The following SORCS3 variants were observed in gnomAD, a reference collection of about 807,000 sequenced individuals.
SORCS3 encodes VPS10 domain-containing receptor SorCS3.
In SORCS3, 57 loss-of-function variants were observed where a neutral mutation model predicts 146.3. The observed-to-expected ratio is 0.39, with a 90% CI of 0.31 to 0.49. The LOEUF (loss-of-function observed/expected upper bound fraction) is 0.49, where lower values mean the gene tolerates loss of function less well. Among genes scored for constraint, SORCS3 ranks in the 20% least tolerant of loss-of-function variants. The probability of loss-of-function intolerance (pLI) is 0.92; values close to 1 mark genes in which losing one functional copy is unlikely to be tolerated. For missense variants in SORCS3, 1,341 were observed against 1,575.5 expected, an observed-to-expected ratio of 0.85 and a Z score of 2.52; for synonymous variants, 653 against 618.5, an observed-to-expected ratio of 1.06 and a Z score of -0.83.
chr10:104,811,969 C>T (rs1227085379), intron 1 of SORCS3, among the ~76,000 whole-genome samples: 2 of 152,070 alleles, frequency 1.3e-5, no homozygotes, highest in African/African-American at 2.4e-5. Context: ...TGAAATTATA[C>T]GTGTGCCCCA....
intron 14 of SORCS3, among the ~76,000 whole-genome samples, chr10:105,181,300 G>T (rs535813260): frequency 1.3e-5 from 2 of 152,308 alleles, no homozygotes; most frequent in East Asian, 3.9e-4. Context: ...ATTCTGAAAT[G>T]CTATGGTCAG....
In SORCS3 at chr10:104,745,468, T is replaced by C. The variant is rs190673636; in HGVS notation, c.628-97324T>C. Among the ~76,000 whole-genome samples the C allele has an allele frequency of 1.6e-4, 24 of 152,310 alleles. 1 individual carries two copies. In the East Asian group the frequency reaches 4.6e-3, roughly 29 times the overall value. ...AGTATGTGAAATATTTAATGACAAG[T>C]TAGGAAATAGTGTACACCCTTGAAA... On this transcript the variant is annotated intron_variant, in intron 1 of 26. Coordinates refer to ENST00000369701, the MANE Select transcript of SORCS3 (RefSeq NM_014978.3).
At chr10:105,013,435 A>G (rs572242990) in intron 4 of SORCS3, among the ~76,000 whole-genome samples, 1 of 152,216 alleles carries the variant, frequency 6.6e-6, no homozygotes, top group African/African-American at 2.4e-5. Context: ...TCTATACATA[A>G]TATGATTCTC....
intron 1 of SORCS3, among the ~76,000 whole-genome samples, chr10:104,706,201 CTTTTT>C (rs1162969172): frequency 4.3e-4 from 37 of 85,864 alleles, no homozygotes; most frequent in African/African-American, 1.8e-3. Flanking sequence ...TTTTCTTCTT[CTTTTT>C]TTTTTTTTTT....
At position 104,891,917 on chromosome 10, in the gene SORCS3, A is replaced by G. The variant is rs542898219; in HGVS notation, c.696-23916A>G. ...AATGAATTGGCTCCTGGATCTTCAA[A>G]GACAAGATTTAAATCACAAAGAGAA... On this transcript the variant is annotated intron_variant, in intron 2 of 26. Coordinates refer to ENST00000369701, the MANE Select transcript of SORCS3 (RefSeq NM_014978.3). Among the ~76,000 whole-genome samples, 9 of 152,292 alleles carry G rather than the reference A, an allele frequency of 5.9e-5. No individual in the cohort carries two copies. The East Asian group carries it at 1.7e-3, about 29-fold the overall frequency.
intron 3 of SORCS3, among the ~76,000 whole-genome samples, chr10:104,954,227 T>C (rs765521331): frequency 2.6e-5 from 4 of 152,098 alleles, no homozygotes; most frequent in Non-Finnish European, 4.4e-5. Flanking sequence ...AGGAAGAAAA[T>C]TGTGGTCCTA....
At chr10:105,230,325 G>C (rs1352716850) in intron 20 of SORCS3, among the ~76,000 whole-genome samples, 3 of 152,144 alleles carry the variant, frequency 2.0e-5, no homozygotes, top group African/African-American at 7.2e-5. Context: ...GGATGCTTAG[G>C]TTGGGGAGTG....
At chr10:104,719,897 C>T (rs954310490) in intron 1 of SORCS3, among the ~76,000 whole-genome samples, 2 of 151,668 alleles carry the variant, frequency 1.3e-5, no homozygotes, top group African/African-American at 4.8e-5. Flanking sequence ...TGAAAGTTGT[C>T]TGATGAAAGA....
intron 3 of SORCS3, among the ~76,000 whole-genome samples, chr10:104,958,522 G>T (rs1009373791): frequency 6.6e-6 from 1 of 152,202 alleles, no homozygotes; most frequent in East Asian, 1.9e-4. Flanking sequence ...GTAATCTAGA[G>T]AATGGGAAAG....
chr10:105,258,906 A>C (rs1433983014), intron 25 of SORCS3, among the ~76,000 whole-genome samples: 1 of 152,122 alleles, frequency 6.6e-6, no homozygotes, highest in Non-Finnish European at 1.5e-5. Flanking sequence ...GTTAACCTTT[A>C]CTTTTCTGGC....
chr10:104,990,541 C>T (rs1471829457), intron 4 of SORCS3, among the ~76,000 whole-genome samples: 1 of 152,084 alleles, frequency 6.6e-6, no homozygotes, highest in African/African-American at 2.4e-5. Flanking sequence ...CCAGGAATTA[C>T]CCTTTGACAT....
chr10:105,007,633 G>T (rs541946520), intron 4 of SORCS3, among the ~76,000 whole-genome samples: 1 of 151,956 alleles, frequency 6.6e-6, no homozygotes, highest in African/African-American at 2.4e-5. Context: ...ATTGCAGACC[G>T]TTTTTTCTGA....
chr10:104,809,638 C>T (rs1384960119), intron 1 of SORCS3, among the ~76,000 whole-genome samples: 1 of 152,136 alleles, frequency 6.6e-6, no homozygotes, highest in African/African-American at 2.4e-5. Flanking sequence ...ACATCATGGC[C>T]ACTGCTGCAG....
intron 3 of SORCS3, among the ~76,000 whole-genome samples, chr10:104,950,083 A>T (rs2019412797): frequency 6.6e-6 from 1 of 152,200 alleles, no homozygotes; most frequent in Non-Finnish European, 1.5e-5. Flanking sequence ...AGATAAGATG[A>T]GGTTGTGCAA....
chr10:105,210,530 A>G (rs556722426), intron 16 of SORCS3, among the ~76,000 whole-genome samples: 1 of 152,284 alleles, frequency 6.6e-6, no homozygotes, highest in South Asian at 2.1e-4. Context: ...CTGCTCTGTT[A>G]CTTTCCCATT....
At chr10:105,032,890 T>C (rs2055279055) in intron 4 of SORCS3, among the ~76,000 whole-genome samples, 1 of 151,930 alleles carries the variant, frequency 6.6e-6, no homozygotes, top group Non-Finnish European at 1.5e-5. Context: ...AGAGAAAACA[T>C]AGGTAGAGGG....
At chr10:104,937,972 G>C (rs932141530) in intron 3 of SORCS3, among the ~76,000 whole-genome samples, 2 of 152,120 alleles carry the variant, frequency 1.3e-5, no homozygotes, top group African/African-American at 4.8e-5. Context: ...AGTAGTAGAC[G>C]CTTGACCTGG....
At chr10:104,964,116 G>A (rs1198902985) in intron 3 of SORCS3, among the ~76,000 whole-genome samples, 2 of 152,050 alleles carry the variant, frequency 1.3e-5, no homozygotes, top group African/African-American at 2.4e-5. Flanking sequence ...ATTCGACATG[G>A]TAGCCAGAGT....
intron 2 of SORCS3, among the ~76,000 whole-genome samples, chr10:104,900,757 G>C (rs551877354): frequency 6.6e-6 from 1 of 152,030 alleles, no homozygotes; most frequent in Admixed American, 6.5e-5. Flanking sequence ...ACCCAGCTGT[G>C]GTGGCACGCA....
Sources: allele counts gnomAD v4.1 joint callset (sites outside exome capture counted in the v4.1 genomes callset), GRCh38; gene constraint gnomAD v4.1.1; transcripts MANE v1.5; gene names NCBI Gene and HGNC (gene_info 2026-07-23, HGNC 2026-07-21).